The following ATXN7L1 variants were observed in gnomAD, a reference collection of about 807,000 sequenced individuals.
ATXN7L1 encodes the protein ataxin 7 like 1.
In ATXN7L1, 15 loss-of-function variants were observed where a neutral mutation model predicts 70.8. The observed-to-expected ratio is 0.21, with a 90% CI of 0.14 to 0.33. ATXN7L1 has a LOEUF of 0.33. Ranked by LOEUF, ATXN7L1 falls within the 10% of genes least tolerant of loss-of-function variation. The pLI is 1.00. For synonymous variants in ATXN7L1, 440 were observed against 445.1 expected, an observed-to-expected ratio of 0.99 and a Z score of 0.14; for missense variants, 975 against 1,097.1, an observed-to-expected ratio of 0.89 and a Z score of 1.57.
At chr7:105,759,610 C>T (rs990860141) in intron 3 of ATXN7L1, among the ~76,000 whole-genome samples, 3 of 152,020 alleles carry the variant, frequency 2.0e-5, no homozygotes, top group Non-Finnish European at 4.4e-5. Flanking sequence ...TCTCAAACCA[C>T]AAGGCCCTGT....
chr7:105,662,027 T>TTTCTTTCCTTCCTTCCTTCC (rs1801711586), intron 4 of ATXN7L1, among the ~76,000 whole-genome samples: 1 of 48,848 alleles, frequency 2.0e-5, no homozygotes, highest in Non-Finnish European at 3.9e-5. Flanking sequence ...TCTTTCTTTC[T>TTTCTTTCCTTCCTTCCTTCC]TTCCTTCCTT....
chr7:105,775,377 G>T (rs1481710906), intron 3 of ATXN7L1, among the ~76,000 whole-genome samples: 1 of 152,208 alleles, frequency 6.6e-6, no homozygotes, highest in Non-Finnish European at 1.5e-5. Flanking sequence ...GTTTAGAAAA[G>T]ATATAGCTTG....
In ATXN7L1 at chr7:105,685,660, T is replaced by C. The variant is rs1178111220; in HGVS notation, c.356-20372A>G. On this transcript the variant is annotated intron_variant, in intron 3 of 11. Transcript: ENST00000419735. Reference sequence around the variant, plus strand: ...TGGTCCCCTTGTTGAGACCAGAACCTGAGTATCAGCAGCAGGGAACCGGCA... The same window carrying C: ...TGGTCCCCTTGTTGAGACCAGAACCCGAGTATCAGCAGCAGGGAACCGGCA... 2.6e-5 allele frequency among the ~76,000 whole-genome samples: 4 copies of C among 152,220 alleles called. No individual in the cohort carries two copies. In the East Asian group the frequency reaches 5.8e-4, roughly 22 times the overall value.
At chr7:105,717,317 G>A (rs1794685610) in intron 3 of ATXN7L1, among the ~76,000 whole-genome samples, 1 of 152,008 alleles carries the variant, frequency 6.6e-6, no homozygotes. Flanking sequence ...TAGTAGAGAC[G>A]GGGTTTTGCC....
chr7:105,812,389 G>C (rs1808558342), intron 2 of ATXN7L1, among the ~76,000 whole-genome samples: 1 of 152,180 alleles, frequency 6.6e-6, no homozygotes, highest in Non-Finnish European at 1.5e-5. Flanking sequence ...AAGAATAGTA[G>C]TTTACATATA....
chr7:105,645,115 T>A (rs1798793573), intron 4 of ATXN7L1, among the ~76,000 whole-genome samples: 1 of 152,142 alleles, frequency 6.6e-6, no homozygotes, highest in African/African-American at 2.4e-5. Flanking sequence ...CAGTTTTTTT[T>A]AATGCCCGTT....
At chr7:105,765,327 A>C (rs538283898) in intron 3 of ATXN7L1, among the ~76,000 whole-genome samples, 4 of 151,708 alleles carry the variant, frequency 2.6e-5, no homozygotes, top group Admixed American at 1.3e-4. Flanking sequence ...AAAAAAAAAA[A>C]AACCCTCTAA....
intron 3 of ATXN7L1, among the ~76,000 whole-genome samples, chr7:105,780,596 T>C (rs982593358): frequency 3.3e-5 from 5 of 152,144 alleles, no homozygotes; most frequent in Non-Finnish European, 1.5e-5. Context: ...GGATTATCTC[T>C]GTCTGATGGG....
chr7:105,822,613 A>G (rs1322212284), intron 2 of ATXN7L1, among the ~76,000 whole-genome samples: 2 of 152,234 alleles, frequency 1.3e-5, no homozygotes, highest in Non-Finnish European at 2.9e-5. Context: ...TAAAACACCT[A>G]CAGAGCTCAT....
chr7:105,608,023 G>C, intron 11 of ATXN7L1, 133 bp from the exon 12 acceptor site: 1 of 802,960 alleles, frequency 1.2e-6, no homozygotes, highest in Non-Finnish European at 2.0e-6. Flanking sequence ...ATCCAGCAAA[G>C]GGCAGCTGGA....
At chr7:105,831,762 G>C (rs558761933) in intron 2 of ATXN7L1, among the ~76,000 whole-genome samples, 1 of 152,280 alleles carries the variant, frequency 6.6e-6, no homozygotes, top group Non-Finnish European at 1.5e-5. Flanking sequence ...AGTGGGTGGG[G>C]TGAAGTGGGG....
intron 2 of ATXN7L1, among the ~76,000 whole-genome samples, chr7:105,805,373 G>A (rs1368872700): frequency 6.6e-6 from 1 of 152,226 alleles, no homozygotes; most frequent in East Asian, 1.9e-4. Context: ...GGAAGTTCAG[G>A]GGGCTGGCAG....
chr7:105,786,164 GCTGCT>G (rs1563091265), intron 3 of ATXN7L1, among the ~76,000 whole-genome samples: 2 of 152,160 alleles, frequency 1.3e-5, no homozygotes, highest in African/African-American at 4.8e-5. Flanking sequence ...TGTCCCCATT[GCTGCT>G]TGTCAGCTTG....
intron 3 of ATXN7L1, among the ~76,000 whole-genome samples, chr7:105,681,010 T>G (rs1400518220): frequency 6.6e-6 from 1 of 152,180 alleles, no homozygotes; most frequent in East Asian, 1.9e-4. Flanking sequence ...TGAGGTAGCG[T>G]AAGTTCTCAG....
At chr7:105,691,389 A>T (rs1790803005) in intron 3 of ATXN7L1, among the ~76,000 whole-genome samples, 1 of 152,202 alleles carries the variant, frequency 6.6e-6, no homozygotes, top group Non-Finnish European at 1.5e-5. Context: ...CCTCTGCTGC[A>T]CATACACCGC....
rs2116638137 is a variant in ATXN7L1 at position 105,853,854 on chromosome 7, C to CA, written c.250+21957dup. 1.3e-5 allele frequency among the ~76,000 whole-genome samples: 2 copies of CA among 152,286 alleles called. 1 individual carries two copies. Among genetic ancestry groups the CA allele is most frequent in the South Asian group, 4.1e-4 (2 of 4,834 alleles). On this transcript the variant is annotated intron_variant, in intron 2 of 11. Transcript: ENST00000419735. ...AAAAAGGGCGGGCGGTAGGGAACAA[C>CA]AGCACCTGGCTGTACCTCTCTCTGA...
In ATXN7L1 at chr7:105,614,094, A is replaced by G; in HGVS notation, c.2240T>C (p.Val747Ala). The change falls in exon 10 of 12, where the codon GTG becomes GCG. Residue 747 changes from valine (V) to alanine (A), a missense_variant. Physicochemically the swap from Val to Ala is moderately conservative, Grantham distance 64. Around this residue, in one of 5 missense-constraint regions of ATXN7L1, gnomAD observed 635 missense variants for 699.4 expected, o/e 0.91. Coordinates refer to ENST00000419735, the MANE Select transcript of ATXN7L1 (RefSeq NM_020725.2). This position sits in a 1 kb window ranked among gnomAD's most constrained non-coding sequence, Gnocchi z 4.3. ...GGSSDSCPLSVPSLALHAGDL... is the reference protein window; with the variant it reads ...GGSSDSCPLSAPSLALHAGDL... ...CCCTGCGTGGAGCGCAAGGGAGGGC[A>G]CAGAGAGGGGACAGGAGTCACTGCT... 6.4e-7 allele frequency: 1 copy of G among 1,551,744 alleles called. No homozygotes were observed. Among genetic ancestry groups the G allele is most frequent in the Non-Finnish European group, 8.7e-7 (1 of 1,147,010 alleles).
chr7:105,759,926 C>A (rs2116409585), intron 3 of ATXN7L1, among the ~76,000 whole-genome samples: 1 of 152,070 alleles, frequency 6.6e-6, no homozygotes, highest in South Asian at 2.1e-4. Context: ...CATTGAAAGC[C>A]CAGATAACAT....
At chr7:105,621,274 A>C (rs1794891914) in intron 8 of ATXN7L1, among the ~76,000 whole-genome samples, 1 of 152,046 alleles carries the variant, frequency 6.6e-6, no homozygotes, top group African/African-American at 2.4e-5. Context: ...TGGTTCCCTT[A>C]TCAAGACTCT....
Sources: gnomAD v4.1 joint callset for allele counts (sites outside exome capture counted in the v4.1 genomes callset) on GRCh38, gnomAD v4.1.1 for gene constraint, gnomAD v4.1.1 regional missense constraint, Gnocchi (gnomAD v3.1) non-coding constraint, MANE v1.5 for transcripts, NCBI Gene and HGNC (gene_info 2026-07-23, HGNC 2026-07-21) for gene names.